Variants in SGIP1 observed in about 807,000 individuals in gnomAD.
The protein encoded by SGIP1 is SH3GL interacting endocytic adaptor 1.
In SGIP1, 38 loss-of-function variants were observed where a neutral mutation model predicts 107.5. That is an observed-to-expected ratio of 0.35 (90% CI 0.27 to 0.46). SGIP1 has a LOEUF of 0.46. Among genes scored for constraint, SGIP1 ranks in the 20% least tolerant of loss-of-function variants. The pLI is 1.00. For missense variants in SGIP1, 929 were observed against 1,019.5 expected, an observed-to-expected ratio of 0.91 and a Z score of 1.21; for synonymous variants, 365 against 366.1, an observed-to-expected ratio of 1.00 and a Z score of 0.03.
At chr1:66,558,661 A>G (rs964210542) in intron 1 of SGIP1, among the ~76,000 whole-genome samples, 1 of 151,912 alleles carries the variant, frequency 6.6e-6, no homozygotes, top group African/African-American at 2.4e-5. Context: ...GAATTAGACT[A>G]TATTATATAG....
intron 4 of SGIP1, among the ~76,000 whole-genome samples, chr1:66,637,501 C>T (rs2076025276): frequency 1.4e-5 from 2 of 144,710 alleles, no homozygotes; most frequent in South Asian, 2.2e-4. Context: ...TGAATATCTG[C>T]CAAAAATAAT....
intron 19 of SGIP1, among the ~76,000 whole-genome samples, chr1:66,726,737 G>A (rs951704801): frequency 2.6e-5 from 4 of 152,194 alleles, no homozygotes; most frequent in African/African-American, 9.6e-5. Context: ...TATATACATT[G>A]TAAGACTAAA....
intron 15 of SGIP1, among the ~76,000 whole-genome samples, chr1:66,685,310 C>T (rs2087934435): frequency 6.6e-5 from 10 of 152,204 alleles, no homozygotes; most frequent in Admixed American, 5.2e-4. Flanking sequence ...GAAGAGGTAC[C>T]TGCTATTGAA....
intron 7 of SGIP1, among the ~76,000 whole-genome samples, chr1:66,659,838 A>G (rs1034482679): frequency 1.3e-5 from 2 of 150,828 alleles, no homozygotes; most frequent in African/African-American, 4.9e-5. Context: ...TGAAACCAGG[A>G]GTTGAGGGTT....
intron 18 of SGIP1, chr1:66,704,255 G>A (rs1287852844): frequency 6.6e-6 from 1 of 151,986 alleles, no homozygotes; most frequent in Non-Finnish European, 1.5e-5. Flanking sequence ...TTGCTACATG[G>A]TCTCCCTTCC....
At chr1:66,548,457 C>T (rs1213669855) in intron 1 of SGIP1, among the ~76,000 whole-genome samples, 6 of 151,878 alleles carry the variant, frequency 4.0e-5, no homozygotes, top group Admixed American at 1.3e-4. Context: ...CTAACCCAAA[C>T]GGTTCTGGCA....
Position 66,668,458 on chromosome 1 carries a change from G to A in SGIP1, c.483+917G>A, listed in dbSNP as rs149495160. ...CCTGCCTCGACCTCCCAAAGTGCTG[G>A]GATTACAGGCTGAGCCACTGCGCCC... On this transcript the variant is annotated intron_variant, in intron 9 of 24. Coordinates refer to ENST00000371037, the MANE Select transcript of SGIP1 (RefSeq NM_032291.4). Among the ~76,000 whole-genome samples the A allele has an allele frequency of 2.2e-3, 333 of 152,204 alleles. 10 individuals carry two copies. Among genetic ancestry groups the A allele is most frequent in the Non-Finnish European group, 8.8e-4 (60 of 68,022 alleles).
chr1:66,738,038 A>G (rs1039356404), intron 21 of SGIP1, among the ~76,000 whole-genome samples: 9 of 151,274 alleles, frequency 5.9e-5, no homozygotes, highest in Non-Finnish European at 1.0e-4. Flanking sequence ...GTCCAGAAAA[A>G]GGGGTGGGGG....
At chr1:66,672,362 G>A (rs1258896243) in intron 11 of SGIP1, among the ~76,000 whole-genome samples, 1 of 152,154 alleles carries the variant, frequency 6.6e-6, no homozygotes, top group Non-Finnish European at 1.5e-5. Context: ...ACCATCTCAT[G>A]ATACATTCCA....
chr1:66,634,296 C>A, intron 3 of SGIP1: 1 of 679,906 alleles, frequency 1.5e-6, no homozygotes, highest in Non-Finnish European at 2.5e-6. Context: ...GACTGGATTG[C>A]TATTCCTTGC....
intron 17 of SGIP1, chr1:66,694,885 G>A (rs2090565647): frequency 4.4e-6 from 1 of 225,956 alleles, no homozygotes; most frequent in South Asian, 1.7e-4. Flanking sequence ...ATAGGTAAAG[G>A]GTGTTTTGTG....
chr1:66,631,103 A>AAAGAAAGAAAG (rs1558137714), intron 2 of SGIP1, among the ~76,000 whole-genome samples: 17 of 132,478 alleles, frequency 1.3e-4, no homozygotes, highest in Non-Finnish European at 1.3e-4. Flanking sequence ...AAGAAAGAAA[A>AAAGAAAGAAAG]AAAGAAAGAC....
intron 18 of SGIP1, among the ~76,000 whole-genome samples, chr1:66,698,540 G>A (rs930468459): frequency 1.3e-5 from 2 of 152,040 alleles, no homozygotes; most frequent in South Asian, 2.1e-4. Flanking sequence ...CACCACGCCC[G>A]GCTAATTTTT....
intron 1 of SGIP1, among the ~76,000 whole-genome samples, chr1:66,551,031 T>C (rs1464169483): frequency 6.6e-6 from 1 of 152,192 alleles, no homozygotes; most frequent in African/African-American, 2.4e-5. Context: ...AAGATTATTA[T>C]AGCATGCTTA....
chr1:66,581,013 C>T (rs2061745215), intron 1 of SGIP1, among the ~76,000 whole-genome samples: 2 of 152,016 alleles, frequency 1.3e-5, no homozygotes, highest in Admixed American at 6.6e-5. Flanking sequence ...ATCATATATA[C>T]CAAAAGCTTA....
chr1:66,621,419 T>A (rs1417130843), intron 1 of SGIP1, among the ~76,000 whole-genome samples: 1 of 152,242 alleles, frequency 6.6e-6, no homozygotes, highest in Non-Finnish European at 1.5e-5. Flanking sequence ...CTTGAACTAT[T>A]CCATTTCTTT....
Position 66,749,654 on chromosome 1 carries a change from A to G in SGIP1, c.*6559A>G, listed in dbSNP as rs1412481929. Among the ~76,000 whole-genome samples, 2 of 152,110 alleles carry G rather than the reference A, an allele frequency of 1.3e-5. No individual in the cohort carries two copies. The highest frequency in any genetic ancestry group is 4.8e-5 in the African/African-American group (2 of 41,444). On this transcript the variant is annotated 3_prime_UTR_variant, in exon 25 of 25. Coordinates refer to ENST00000371037, the MANE Select transcript of SGIP1 (RefSeq NM_032291.4). ...AGTTTGTGAATCAGCCTGATAGATC[A>G]TAAGCCATTTATAATTTTTAAACGT...
rs545568813 is a variant in SGIP1, at chr1:66,749,625, C to G, written c.*6530C>G. ...AAAGATAGTTCAGTTTTTAATCCAT[C>G]CAGAGTTTGTGAATCAGCCTGATAG... On this transcript the variant is annotated 3_prime_UTR_variant, in exon 25 of 25. Transcript: ENST00000371037. Among the ~76,000 whole-genome samples the G allele has an allele frequency of 4.6e-5, 7 of 152,132 alleles. No individual in the cohort carries two copies. The South Asian group carries it at 1.2e-3, about 27-fold the overall frequency.
At chr1:66,658,473 C>T (rs2080226548) in intron 7 of SGIP1, among the ~76,000 whole-genome samples, 1 of 152,006 alleles carries the variant, frequency 6.6e-6, no homozygotes. Context: ...CAACTGAGGA[C>T]ACATAGCTTG....
Sources: gnomAD v4.1 joint callset for allele counts (sites outside exome capture counted in the v4.1 genomes callset) on GRCh38, gnomAD v4.1.1 for gene constraint, MANE v1.5 for transcripts, NCBI Gene and HGNC (gene_info 2026-07-23, HGNC 2026-07-21) for gene names.